Variants in SWAP70 observed in about 807,000 individuals in gnomAD.
SWAP70 encodes the protein switch-associated protein 70.
Under a neutral mutation model 80.2 loss-of-function variants are expected in SWAP70, and 34 were observed. The ratio of observed to expected loss-of-function variants is 0.42; its 90% confidence interval spans 0.32 to 0.56. The LOEUF is 0.56. SWAP70 is among the 20% of genes least tolerant of loss of function. The probability of loss-of-function intolerance (pLI) is 0.09; values close to 1 mark genes in which losing one functional copy is unlikely to be tolerated. For missense variants in SWAP70, 578 were observed against 690.7 expected (o/e 0.84, Z 1.83); for synonymous variants, 239 against 238.5 (o/e 1.00, Z -0.02).
chr11:9,715,739 G>A (rs1387141495), intron 3 of SWAP70, among the ~76,000 whole-genome samples: 1 of 152,120 alleles, frequency 6.6e-6, no homozygotes, highest in Non-Finnish European at 1.5e-5. Flanking sequence ...GGAAAGACCT[G>A]CCCCCATGAT....
At chr11:9,669,732 GGGGTTAATGCATAGAA>G (rs956776232) in intron 1 of SWAP70, among the ~76,000 whole-genome samples, 2 of 152,122 alleles carry the variant, frequency 1.3e-5, no homozygotes, top group African/African-American at 4.8e-5. Context: ...GAAATAGATT[GGGGTTAATGCATAGAA>G]AGCTTTGATT....
chr11:9,701,782 C>T (rs1270484434), intron 2 of SWAP70, among the ~76,000 whole-genome samples: 9 of 136,552 alleles, frequency 6.6e-5, no homozygotes, highest in Admixed American at 1.7e-4. Context: ...TTACTACCTT[C>T]TAGTTAGTAC....
intron 7 of SWAP70, among the ~76,000 whole-genome samples, chr11:9,733,348 A>T (rs1442822769): frequency 6.6e-6 from 1 of 152,208 alleles, no homozygotes; most frequent in Non-Finnish European, 1.5e-5. Context: ...TGAATCAATG[A>T]GCACTTGCTA....
chr11:9,702,727 T>C (rs997195865), intron 2 of SWAP70, among the ~76,000 whole-genome samples: 19 of 152,276 alleles, frequency 1.2e-4, no homozygotes, highest in Middle Eastern at 3.4e-3. Flanking sequence ...GACTGAAAGT[T>C]ACATAGTTTT....
chr11:9,728,204 G>A lies in SWAP70; in HGVS notation c.789+5G>A. 6.3e-7 allele frequency: 1 copy of A among 1,592,276 alleles called. No individual in the cohort carries two copies. The highest frequency in any genetic ancestry group is 8.5e-7 in the Non-Finnish European group (1 of 1,172,342). On this transcript the variant is annotated splice_donor_5th_base_variant and intron_variant, in intron 5 of 11. Transcript: ENST00000318950. ...GATGAAAATTGCTGTGTAGAGGTGA[G>A]TCTACTCTTACTTCTTTGCATGATT... is the stretch of plus-strand genomic sequence containing the variant.
At chr11:9,687,104 G>A (rs1218562893) in intron 1 of SWAP70, among the ~76,000 whole-genome samples, 1 of 152,106 alleles carries the variant, frequency 6.6e-6, no homozygotes, top group Admixed American at 6.6e-5. Context: ...TAAAAGGTGA[G>A]GTTTAATCTT....
chr11:9,689,936 T>A (rs1331232796), intron 1 of SWAP70, among the ~76,000 whole-genome samples: 1 of 152,184 alleles, frequency 6.6e-6, no homozygotes, highest in African/African-American at 2.4e-5. Flanking sequence ...CTCACGGGCG[T>A]GTCCATCTTT....
chr11:9,696,013 G>A (rs1013594846), intron 2 of SWAP70, among the ~76,000 whole-genome samples: 1 of 152,084 alleles, frequency 6.6e-6, no homozygotes, highest in Non-Finnish European at 1.5e-5. Context: ...CCAGGCTGGG[G>A]CAATGGTTGT....
intron 3 of SWAP70, among the ~76,000 whole-genome samples, chr11:9,722,289 AC>A (rs1370479772): frequency 6.6e-6 from 1 of 152,248 alleles, no homozygotes; most frequent in Non-Finnish European, 1.5e-5. Flanking sequence ...CTGAGGTACC[AC>A]GCTGAGCTTT....
chr11:9,743,021 G>A (rs1440380338), intron 9 of SWAP70, among the ~76,000 whole-genome samples: 1 of 149,354 alleles, frequency 6.7e-6, no homozygotes, highest in East Asian at 2.0e-4. Context: ...TTAGCATTAG[G>A]TATATCTCCT....
At chr11:9,704,825 A>C (rs573173593) in intron 2 of SWAP70, among the ~76,000 whole-genome samples, 1 of 152,190 alleles carries the variant, frequency 6.6e-6, no homozygotes, top group Non-Finnish European at 1.5e-5. Context: ...CCAGATGTTG[A>C]CTGACCTGTA....
intron 1 of SWAP70, among the ~76,000 whole-genome samples, chr11:9,676,896 G>T (rs1565112389): frequency 6.6e-6 from 1 of 151,812 alleles, no homozygotes; most frequent in Non-Finnish European, 1.5e-5. Context: ...CTCGTGATCC[G>T]CCTGCCTCGG....
chr11:9,723,983 A>G (rs1851174583), intron 3 of SWAP70, among the ~76,000 whole-genome samples: 1 of 152,196 alleles, frequency 6.6e-6, no homozygotes, highest in Non-Finnish European at 1.5e-5. Flanking sequence ...CATGTTGGCC[A>G]GGCTGGTCTT....
At chr11:9,681,136 T>G (rs938436548) in intron 1 of SWAP70, 5 of 152,406 alleles carry the variant, frequency 3.3e-5, no homozygotes, top group Admixed American at 6.5e-5. Flanking sequence ...TGTGCTTACC[T>G]GCTAGAACCT....
At chr11:9,725,455 G>C (rs1031509063) in intron 4 of SWAP70, among the ~76,000 whole-genome samples, 1 of 144,516 alleles carries the variant, frequency 6.9e-6, no homozygotes, top group African/African-American at 2.5e-5. Flanking sequence ...AGGCTGAGGC[G>C]GGTGGATCAC....
rs1440493765 is a variant in SWAP70, at chr11:9,750,869, TTC to T, written c.*901_*902del. 1 of 152,226 alleles carries T rather than the reference TTC, an allele frequency of 6.6e-6. No homozygotes were observed. Among genetic ancestry groups the T allele is most frequent in the African/African-American group, 2.4e-5 (1 of 41,442 alleles). The allele number at this position is 152,226 out of a possible 1,614,324, so 9.4% of individuals were successfully genotyped here. A position where few individuals can be genotyped will look rare whatever the true frequency, so the allele number is the denominator to read the frequency against. On this transcript the variant is annotated 3_prime_UTR_variant, in exon 12 of 12. Transcript: ENST00000318950. ...ATCCTGTTAGTAGAGGTTTTCTAGCTTCTACTAAGATATTTCTTTCCCTAACC... is the reference window on the plus strand; with the variant it reads ...ATCCTGTTAGTAGAGGTTTTCTAGCTTACTAAGATATTTCTTTCCCTAACC...
Position 9,747,990 on chromosome 11 carries a change from G to T in SWAP70, c.1488G>T (p.Leu496=). 6.2e-7 allele frequency: 1 copy of T among 1,614,116 alleles called. No homozygotes were observed. The highest frequency in any genetic ancestry group is 8.5e-7 in the Non-Finnish European group (1 of 1,179,970). The stretch of plus-strand genomic sequence containing the variant: ...AGCGTGTCCTGAAGGAACAGGCCCT[G>T]CAGGAGGCCATGGAGCAGCTGGAGC... ...ENQRVLKEQA[L]QEAMEQLEQL... The change falls in exon 10 of 12, where the codon CTG becomes CTT. Residue 496 remains leucine (L), a synonymous_variant. Coordinates refer to ENST00000318950, the MANE Select transcript of SWAP70 (RefSeq NM_015055.4).
intron 1 of SWAP70, among the ~76,000 whole-genome samples, chr11:9,671,604 ATATAGAAATATATTTC>A (rs1850397192): frequency 3.9e-5 from 2 of 51,278 alleles, no homozygotes; most frequent in Non-Finnish European, 9.7e-5. Context: ...AAATATATTT[ATATAGAAATATATTTC>A]TATATAAATA....
chr11:9,742,344 C>CT (rs1168006986), intron 9 of SWAP70, among the ~76,000 whole-genome samples: 14 of 150,718 alleles, frequency 9.3e-5, no homozygotes, highest in Admixed American at 2.0e-4. Context: ...CCCCTGCTCC[C>CT]TTTTTTTTTC....
Sources: gnomAD v4.1 joint callset for allele counts (sites outside exome capture counted in the v4.1 genomes callset) on GRCh38, gnomAD v4.1.1 for gene constraint, MANE v1.5 for transcripts, NCBI Gene and HGNC (gene_info 2026-07-23, HGNC 2026-07-21) for gene names.